CASD1: variants seen among roughly 807,000 people sequenced by gnomAD.
The protein encoded by CASD1 is N-acetylneuraminate (7)9-O-acetyltransferase.
Under a neutral mutation model 100.0 loss-of-function variants are expected in CASD1, and 41 were observed. That is an observed-to-expected ratio of 0.41 (90% CI 0.32 to 0.53). CASD1 has a LOEUF of 0.53. CASD1 is among the 20% of genes least tolerant of loss of function. CASD1 has a pLI of 0.25. For missense variants in CASD1, 774 were observed against 948.7 expected, an observed-to-expected ratio of 0.82 and a Z score of 2.42; for synonymous variants, 321 against 315.6, an observed-to-expected ratio of 1.02 and a Z score of -0.18.
the CASD1 span, among the ~76,000 whole-genome samples, chr7:94,616,687 T>A: frequency 6.6e-6 from 1 of 152,304 alleles, no homozygotes; most frequent in South Asian, 2.1e-4. Flanking sequence ...TAAAAAATTG[T>A]TTCTATTACC....
intron 17 of CASD1, 79 bp downstream of exon 17, chr7:94,554,654 T>G: frequency 2.4e-6 from 2 of 849,822 alleles, no homozygotes; most frequent in Non-Finnish European, 3.9e-6. Flanking sequence ...TGTGTAAATA[T>G]CACACATATA....
At chr7:94,599,565 C>A in the CASD1 span, 1 of 770,170 alleles carries the variant, frequency 1.3e-6, no homozygotes, top group Non-Finnish European at 2.2e-6. Context: ...TAGAAAGCAG[C>A]TTTCACATTT....
the CASD1 span, among the ~76,000 whole-genome samples, chr7:94,580,545 CA>C: frequency 6.6e-6 from 1 of 152,158 alleles, no homozygotes; most frequent in African/African-American, 2.4e-5. Context: ...TTCTTCCTTA[CA>C]AAAAATTATA....
At chr7:94,512,725 A>G (rs1054959007) in intron 1 of CASD1, among the ~76,000 whole-genome samples, 1 of 152,220 alleles carries the variant, frequency 6.6e-6, no homozygotes, top group African/African-American at 2.4e-5. Context: ...AATCAGGGTG[A>G]GTCTTTAAAA....
chr7:94,518,360 G>T, intron 3 of CASD1, 37 bp downstream of exon 3: 1 of 1,514,974 alleles, frequency 6.6e-7, no homozygotes, highest in Non-Finnish European at 8.9e-7. Flanking sequence ...GAGTGTTTTA[G>T]AAGTTAACCA....
At chr7:94,577,499 A>G in the CASD1 span, among the ~76,000 whole-genome samples, 1 of 152,308 alleles carries the variant, frequency 6.6e-6, no homozygotes, top group South Asian at 2.1e-4. Context: ...CAGGCAGTTG[A>G]TAGCTCTGTG....
the CASD1 span, among the ~76,000 whole-genome samples, chr7:94,575,610 C>T: frequency 3.3e-5 from 5 of 152,258 alleles, no homozygotes; most frequent in East Asian, 1.9e-4. Flanking sequence ...TAATTTTCTG[C>T]GTCAGTGATC....
intron 3 of CASD1, among the ~76,000 whole-genome samples, chr7:94,524,877 G>C (rs1794478789): frequency 6.6e-6 from 1 of 152,010 alleles, no homozygotes; most frequent in African/African-American, 2.4e-5. Context: ...TGTAACACTT[G>C]ATTTTAATTG....
chr7:94,592,989 A>G, the CASD1 span, among the ~76,000 whole-genome samples: 1 of 152,126 alleles, frequency 6.6e-6, no homozygotes, highest in Non-Finnish European at 1.5e-5. Context: ...GCTGCCTGAT[A>G]CTTCTCAACA....
chr7:94,631,666 G>A, the CASD1 span, among the ~76,000 whole-genome samples: 2 of 151,868 alleles, frequency 1.3e-5, no homozygotes, highest in Non-Finnish European at 2.9e-5. Context: ...TCGGGGAAGG[G>A]AATTAAGTCA....
At chr7:94,581,119 A>G in the CASD1 span, among the ~76,000 whole-genome samples, 1 of 152,202 alleles carries the variant, frequency 6.6e-6, no homozygotes, top group African/African-American at 2.4e-5. Flanking sequence ...TGCCATGACC[A>G]GTGCTGTGTC....
At position 94,556,859 on chromosome 7, in the gene CASD1, G is replaced by C. The variant is rs1315717596; in HGVS notation, c.*1101G>C. 1 of 152,090 alleles carries C rather than the reference G, an allele frequency of 6.6e-6. No individual in the cohort carries two copies. The allele number at this position is 152,090 out of a possible 1,614,324, so 9.4% of individuals were successfully genotyped here. On this transcript the variant is annotated 3_prime_UTR_variant, in exon 18 of 18. Coordinates refer to ENST00000297273, the MANE Select transcript of CASD1 (RefSeq NM_022900.5). Reference sequence around the variant, plus strand: ...TTGATTATGATTTTAATGTTTGAAAGATTGCACTTGTTTGCTTTTACTATA... The same window carrying C: ...TTGATTATGATTTTAATGTTTGAAACATTGCACTTGTTTGCTTTTACTATA...
chr7:94,601,453 A>AC, the CASD1 span, among the ~76,000 whole-genome samples: 4 of 65,804 alleles, frequency 6.1e-5, no homozygotes, highest in Admixed American at 7.4e-4. Flanking sequence ...CAAAAAAAAA[A>AC]AAAAAAAAAA....
chr7:94,566,907 G>A, the CASD1 span, among the ~76,000 whole-genome samples: 1 of 152,102 alleles, frequency 6.6e-6, no homozygotes, highest in South Asian at 2.1e-4. Context: ...ATCATGGTGT[G>A]GCAGTATGAT....
the CASD1 span, chr7:94,624,341 A>G: frequency 7.6e-6 from 3 of 397,156 alleles, no homozygotes; most frequent in Non-Finnish European, 1.3e-5. Context: ...TATACATTAC[A>G]TGTGTCAAAA....
intron 10 of CASD1, among the ~76,000 whole-genome samples, chr7:94,540,315 T>C (rs780872802): frequency 1.3e-5 from 2 of 152,214 alleles, no homozygotes; most frequent in Non-Finnish European, 2.9e-5. Flanking sequence ...GCATCAATGA[T>C]AAGTTGAAGT....
the CASD1 span, among the ~76,000 whole-genome samples, chr7:94,582,467 G>A: frequency 1.1e-4 from 17 of 152,034 alleles, no homozygotes; most frequent in Non-Finnish European, 1.5e-4. Context: ...GTCATCTTTC[G>A]ACAATTGTCT....
downstream of CASD1, among the ~76,000 whole-genome samples, chr7:94,561,377 A>T (rs1796336589): frequency 6.6e-6 from 1 of 152,210 alleles, no homozygotes; most frequent in Non-Finnish European, 1.5e-5. Context: ...AATGTTCATT[A>T]CATAAATAAT....
At chr7:94,594,780 T>C in the CASD1 span, among the ~76,000 whole-genome samples, 12 of 152,142 alleles carry the variant, frequency 7.9e-5, no homozygotes, top group Admixed American at 7.9e-4. Context: ...TATTAAAGAA[T>C]AAACACATTA....
Sources: gnomAD v4.1 joint callset for allele counts (sites outside exome capture counted in the v4.1 genomes callset) on GRCh38, gnomAD v4.1.1 for gene constraint, MANE v1.5 for transcripts, NCBI Gene and HGNC (gene_info 2026-07-23, HGNC 2026-07-21) for gene names.